The following PRKD3 variants were observed in gnomAD, a reference collection of about 807,000 sequenced individuals.
PRKD3 encodes protein kinase D3, also known as serine/threonine-protein kinase D3.
Under a neutral mutation model 99.2 loss-of-function variants are expected in PRKD3, and 47 were observed. The ratio of observed to expected loss-of-function variants is 0.47; its 90% CI spans 0.38 to 0.60. The LOEUF is 0.60. Ranked by LOEUF, PRKD3 falls within the 20% of genes least tolerant of loss-of-function variation. The probability of loss-of-function intolerance (pLI) is 0.00; values close to 1 mark genes in which losing one functional copy is unlikely to be tolerated. For synonymous variants in PRKD3, 392 were observed against 355.4 expected, an observed-to-expected ratio of 1.10 and a Z score of -1.16; for missense variants, 1,019 against 1,088.4, an observed-to-expected ratio of 0.94 and a Z score of 0.90.
At chr2:37,279,674 G>T in intron 8 of PRKD3, 72 bp downstream of exon 8, 1 of 1,198,032 alleles carries the variant, frequency 8.3e-7, no homozygotes, top group Non-Finnish European at 1.1e-6. Flanking sequence ...TTAAAGAGAC[G>T]TGGCTTTTTC....
At chr2:37,272,606 T>C (rs530245943) in intron 11 of PRKD3, among the ~76,000 whole-genome samples, 174 bp from the exon 12 acceptor site, 1 of 152,250 alleles carries the variant, frequency 6.6e-6, no homozygotes, top group Non-Finnish European at 1.5e-5. Flanking sequence ...AGATAAAATA[T>C]GATACATCCA....
intron 14 of PRKD3, among the ~76,000 whole-genome samples, chr2:37,264,211 A>G (rs1180094125): frequency 1.3e-5 from 2 of 152,232 alleles, no homozygotes; most frequent in Non-Finnish European, 2.9e-5. Context: ...ATAGACATAC[A>G]TAATGTACAC....
intron 14 of PRKD3, among the ~76,000 whole-genome samples, chr2:37,263,126 C>A (rs1019607034): frequency 3.3e-5 from 5 of 152,032 alleles, no homozygotes; most frequent in African/African-American, 4.8e-5. Context: ...GAGTTAGATT[C>A]TTAATTCACT....
chr2:37,286,156 A>G, intron 6 of PRKD3, 21 bp downstream of exon 6: 1 of 1,541,744 alleles, frequency 6.5e-7, no homozygotes, highest in Non-Finnish European at 8.8e-7. Context: ...AATTTTAATT[A>G]GGGAAAACAC....
At chr2:37,277,468 C>G (rs1471109274) in intron 9 of PRKD3, among the ~76,000 whole-genome samples, 1 of 151,228 alleles carries the variant, frequency 6.6e-6, no homozygotes, top group African/African-American at 2.5e-5. Context: ...TAAAAAAAAA[C>G]GTTGCACATT....
At chr2:37,295,279 C>G (rs1670625811) in intron 2 of PRKD3, among the ~76,000 whole-genome samples, 1 of 151,456 alleles carries the variant, frequency 6.6e-6, no homozygotes, top group Admixed American at 6.6e-5. Flanking sequence ...AGGCAAATAA[C>G]AAAATTAAAA....
chr2:37,310,381 C>A (rs572371691), intron 2 of PRKD3, among the ~76,000 whole-genome samples: 6 of 152,286 alleles, frequency 3.9e-5, no homozygotes, highest in African/African-American at 1.2e-4. Context: ...AATATACACA[C>A]ACAATGATGA....
At chr2:37,297,886 C>G (rs369675549) in intron 2 of PRKD3, among the ~76,000 whole-genome samples, 25 of 152,122 alleles carry the variant, frequency 1.6e-4, no homozygotes, top group African/African-American at 6.0e-4. Context: ...CAAAACTACT[C>G]TCCCCCCACC....
In PRKD3 at chr2:37,270,351, G is replaced by GAAA. The variant is rs11346799; in HGVS notation, c.1705-667_1705-665dup. 2.5e-4 allele frequency among the ~76,000 whole-genome samples: 35 copies of GAAA among 140,824 alleles called. 1 individual carries two copies. The highest frequency in any genetic ancestry group is 6.6e-4 in the South Asian group (3 of 4,580). 92.4% of individuals were successfully genotyped at this position (140,824 alleles called of 152,430 possible). ...GGAGATTTGCTCTCATTGATTTTTG[G>GAAA]AAAAAAAAAAAAAAAAACTCAAAAG... On this transcript the variant is annotated intron_variant, in intron 12 of 18. Transcript: ENST00000234179.
At chr2:37,257,614 C>G (rs370808147) in intron 16 of PRKD3, among the ~76,000 whole-genome samples, 3 of 132,412 alleles carry the variant, frequency 2.3e-5, no homozygotes, top group African/African-American at 8.3e-5. Flanking sequence ...TGCAGTGAGT[C>G]GAGATTACGC....
Position 37,316,749 on chromosome 2 carries a change from G to C in PRKD3, c.-225C>G. On this transcript the variant is annotated 5_prime_UTR_variant, in exon 2 of 19. Coordinates refer to ENST00000234179, the MANE Select transcript of PRKD3 (RefSeq NM_005813.6). ...TTAATATCAGTCCCATCAAAAAGCA[G>C]TCTTGTCTGTAGGAAGACAACCAGG... is the stretch of plus-strand genomic sequence containing the variant. 2.9e-6 allele frequency: 4 copies of C among 1,371,418 alleles called. No homozygotes were observed. The highest frequency in any genetic ancestry group is 3.8e-6 in the Non-Finnish European group (4 of 1,066,380). 85.0% of individuals were successfully genotyped at this position (1,371,418 alleles called of 1,614,324 possible).
In PRKD3 at chr2:37,299,584, C is replaced by G. The variant is rs140073459; in HGVS notation, c.289-6313G>C. On this transcript the variant is annotated intron_variant, in intron 2 of 18. Transcript: ENST00000234179. ...CAAGCTTCTGCAAGGAAATAATTAA[C>G]AAGTGAAGTGACAACCTACAGAATG... Among the ~76,000 whole-genome samples, 242 of 149,572 alleles carry G rather than the reference C, an allele frequency of 1.6e-3. 1 individual carries two copies. Among genetic ancestry groups the G allele is most frequent in the Admixed American group, 2.9e-3 (43 of 15,012 alleles).
chr2:37,260,483 A>G (rs987670734), intron 14 of PRKD3, 99 bp from the exon 15 acceptor site: 4 of 1,062,126 alleles, frequency 3.8e-6, no homozygotes, highest in Non-Finnish European at 5.6e-6. Flanking sequence ...ACAGAAAGAA[A>G]GCCTAGAGAA....
intron 2 of PRKD3, among the ~76,000 whole-genome samples, chr2:37,315,079 T>TGAA (rs1558582187): frequency 6.6e-6 from 1 of 152,196 alleles, no homozygotes; most frequent in Non-Finnish European, 1.5e-5. Context: ...GACAGTAAGA[T>TGAA]GAAGAGCATG....
At chr2:37,306,361 T>C (rs1170300098) in intron 2 of PRKD3, among the ~76,000 whole-genome samples, 2 of 152,232 alleles carry the variant, frequency 1.3e-5, no homozygotes, top group Admixed American at 1.3e-4. Flanking sequence ...TAAAAACACA[T>C]TCCCTTCAGC....
At chr2:37,320,206 G>A (rs1176779994) in intron 1 of PRKD3, among the ~76,000 whole-genome samples, 2 of 152,134 alleles carry the variant, frequency 1.3e-5, no homozygotes, top group African/African-American at 2.4e-5. Context: ...ACTATAGCTA[G>A]TAAGTGATAG....
chr2:37,284,855 A>C (rs934835489), intron 6 of PRKD3, among the ~76,000 whole-genome samples: 1 of 152,126 alleles, frequency 6.6e-6, no homozygotes, highest in African/African-American at 2.4e-5. Context: ...GGTTAGTTAC[A>C]TATGTATACA....
chr2:37,303,657 G>A (rs949541118), intron 2 of PRKD3, among the ~76,000 whole-genome samples: 20 of 152,090 alleles, frequency 1.3e-4, no homozygotes, highest in African/African-American at 4.3e-4. Flanking sequence ...TGAGTAAACA[G>A]GGTACCCCGT....
In PRKD3 at chr2:37,289,381, T is replaced by G. The variant is rs1344207227; in HGVS notation, c.692A>C (p.Glu231Ala). Residue 231 changes from glutamate to alanine, a missense_variant, in exon 5 of 19, where the codon GAA (glutamate) becomes GCA (alanine). Glu to Ala is a moderately radical substitution (Grantham distance 107). Transcript: ENST00000234179. ...CTCTTCACTGGGAAGGGCTACATATTCAGGCTGTAGGGGTCTTGGAACTGA... is the reference window on the plus strand; with the variant it reads ...CTCTTCACTGGGAAGGGCTACATATGCAGGCTGTAGGGGTCTTGGAACTGA... ...GLSVPRPLQP[E>A]YVALPSEESH... is the part of the protein sequence containing the mutation. The G allele has an allele frequency of 6.2e-7, 1 of 1,614,122 alleles. No individual in the cohort carries two copies. The highest frequency in any genetic ancestry group is 1.7e-5 in the Admixed American group (1 of 60,002).
Sources: gnomAD v4.1 joint callset for allele counts (sites outside exome capture counted in the v4.1 genomes callset) on GRCh38, gnomAD v4.1.1 for gene constraint, MANE v1.5 for transcripts, NCBI Gene and HGNC (gene_info 2026-07-23, HGNC 2026-07-21) for gene names.